Variants in FOXP1 observed in about 807,000 individuals in gnomAD.
The protein encoded by FOXP1 is forkhead box protein P1.
Under a neutral mutation model 98.2 loss-of-function variants are expected in FOXP1, and 15 were observed. The ratio of observed to expected loss-of-function variants is 0.15; its 90% CI spans 0.10 to 0.24. FOXP1 has a LOEUF of 0.24. FOXP1 is among the 10% of genes least tolerant of loss of function. FOXP1 has a pLI of 1.00. For missense variants in FOXP1, 633 were observed against 848.5 expected (o/e 0.75, Z 3.15); for synonymous variants, 371 against 314.5 (o/e 1.18, Z -1.90).
intron 12 of FOXP1, among the ~76,000 whole-genome samples, chr3:71,001,472 T>TA: frequency 6.6e-6 from 1 of 152,184 alleles, no homozygotes; most frequent in East Asian, 1.9e-4. Context: ...TAACTGATGA[T>TA]ACATCCATAT....
At chr3:71,205,895 T>C (rs1250701799) in intron 5 of FOXP1, among the ~76,000 whole-genome samples, 1 of 152,176 alleles carries the variant, frequency 6.6e-6, no homozygotes, top group Admixed American at 6.5e-5. Context: ...TTTTCAATAA[T>C]GTAATACGGC....
In FOXP1 at chr3:71,380,876, T is replaced by C. The variant is rs1462315067; in HGVS notation, c.-167-21632A>G. On this transcript the variant is annotated intron_variant, in intron 3 of 20. Coordinates refer to ENST00000649528, the MANE Select transcript of FOXP1 (RefSeq NM_001349338.3). ...TTCTGTTGTTGAGTCATAGACGCTATCGTAGTAGTGTTAAAATGTATCATC... is the reference window on the plus strand; with the variant it reads ...TTCTGTTGTTGAGTCATAGACGCTACCGTAGTAGTGTTAAAATGTATCATC... Among the ~76,000 whole-genome samples, 5 of 152,258 alleles carry C rather than the reference T, an allele frequency of 3.3e-5. No individual in the cohort carries two copies. In the East Asian group the frequency reaches 9.7e-4, roughly 29 times the overall value.
intron 6 of FOXP1, among the ~76,000 whole-genome samples, chr3:71,182,888 C>CA (rs1491401879): frequency 7.9e-5 from 12 of 151,154 alleles, no homozygotes; most frequent in African/African-American, 2.9e-4. Flanking sequence ...CAGACCCCCC[C>CA]AAAAAAAACC....
intron 2 of FOXP1, among the ~76,000 whole-genome samples, chr3:71,565,125 C>T (rs926164805): frequency 6.6e-6 from 1 of 152,014 alleles, no homozygotes; most frequent in Non-Finnish European, 1.5e-5. Context: ...TGAAAGAAGT[C>T]AAATCATCCA....
chr3:71,342,707 G>A (rs146827862), intron 4 of FOXP1, among the ~76,000 whole-genome samples: 2,295 of 148,482 alleles, frequency 0.015, 61 homozygotes, highest in African/African-American at 0.054. Context: ...AAAGCAAACA[G>A]ACCTTGATCC....
intron 5 of FOXP1, among the ~76,000 whole-genome samples, chr3:71,235,549 T>C (rs1242607646): frequency 6.6e-6 from 1 of 152,136 alleles, no homozygotes; most frequent in Non-Finnish European, 1.5e-5. Context: ...TTAAGTGATG[T>C]ACATTCATAG....
chr3:71,384,242 A>C (rs914778380), intron 3 of FOXP1, among the ~76,000 whole-genome samples: 12 of 151,914 alleles, frequency 7.9e-5, no homozygotes, highest in South Asian at 4.1e-4. Flanking sequence ...ACAAACAAAC[A>C]AACCAACAAA....
chr3:71,337,122 A>T lies in FOXP1; in HGVS notation c.-73+22028T>A, dbSNP rs572106391. On this transcript the variant is annotated intron_variant, in intron 4 of 20. Coordinates refer to ENST00000649528, the MANE Select transcript of FOXP1 (RefSeq NM_001349338.3). ...ATCAAATAATTAACAAATGGAAATG[A>T]TTATGATAAAAGTAAAAACATGAGT... is the stretch of plus-strand genomic sequence containing the variant. 1.1e-4 allele frequency among the ~76,000 whole-genome samples: 16 copies of T among 152,370 alleles called. No individual in the cohort carries two copies. In the South Asian group the frequency reaches 3.1e-3, roughly 30 times the overall value.
chr3:71,428,353 C>T (rs143725533), intron 3 of FOXP1, among the ~76,000 whole-genome samples: 18 of 152,344 alleles, frequency 1.2e-4, no homozygotes, highest in Middle Eastern at 3.4e-3. Context: ...GTTTTAAAAA[C>T]GCCCTTGTTC....
chr3:71,073,921 C>T (rs2107458302), intron 7 of FOXP1, among the ~76,000 whole-genome samples: 1 of 152,206 alleles, frequency 6.6e-6, no homozygotes, highest in East Asian at 1.9e-4. Flanking sequence ...TGAGACAATG[C>T]TAAGATAACA....
chr3:71,415,172 G>A (rs951817905), intron 3 of FOXP1, among the ~76,000 whole-genome samples: 3 of 152,124 alleles, frequency 2.0e-5, no homozygotes, highest in African/African-American at 7.2e-5. Flanking sequence ...CCCAACTCTA[G>A]GAAATTCATT....
chr3:71,583,960 C>T (rs963770894), upstream of FOXP1: 115 of 983,488 alleles, frequency 1.2e-4, no homozygotes, highest in Non-Finnish European at 1.4e-4. Flanking sequence ...CCCTCTTTGC[C>T]GTTCGCCGGG....
rs1463723509 is a variant in FOXP1 at position 70,955,169 on chromosome 3, C to T, written c.*4078G>A. The T allele has an allele frequency of 5.6e-5, 13 of 232,158 alleles. No homozygotes were observed. The highest frequency in any genetic ancestry group is 3.6e-4 in the South Asian group (2 of 5,502). The allele number at this position is 232,158 out of a possible 1,614,324, so 14.4% of individuals were successfully genotyped here. The stretch of plus-strand genomic sequence containing the variant: ...ACACTCTTCTTTGTGCCTTTGGAAA[C>T]GGAGTTCAGCTGGAATATGGAAAAG... On this transcript the variant is annotated 3_prime_UTR_variant, in exon 21 of 21. Coordinates refer to ENST00000649528, the MANE Select transcript of FOXP1 (RefSeq NM_001349338.3).
chr3:71,136,638 A>C (rs1415419879), intron 6 of FOXP1, among the ~76,000 whole-genome samples: 1 of 152,222 alleles, frequency 6.6e-6, no homozygotes, highest in Non-Finnish European at 1.5e-5. Flanking sequence ...TCAGTAGACT[A>C]ATGCTTATTT....
At chr3:71,147,537 C>T (rs1409084067) in intron 6 of FOXP1, among the ~76,000 whole-genome samples, 1 of 152,140 alleles carries the variant, frequency 6.6e-6, no homozygotes, top group African/African-American at 2.4e-5. Context: ...ACCATTAATG[C>T]CCCCCATCAT....
At chr3:71,358,080 C>T (rs2078289784) in intron 4 of FOXP1, among the ~76,000 whole-genome samples, 1 of 152,164 alleles carries the variant, frequency 6.6e-6, no homozygotes, top group Admixed American at 6.5e-5. Flanking sequence ...TTTGCTGAGC[C>T]TGTCTCTCTG....
chr3:70,958,368 G>T lies in FOXP1; in HGVS notation c.*879C>A, dbSNP rs563597456. On this transcript the variant is annotated 3_prime_UTR_variant, in exon 21 of 21. Transcript: ENST00000649528. ...GCAGGACGTCACGTCTGTGTGAGAG[G>T]GCCTTCATGTGTAGAGTGCAGCATT... 10 of 531,272 alleles carry T rather than the reference G, an allele frequency of 1.9e-5. No homozygotes were observed. The highest frequency in any genetic ancestry group is 3.6e-5 in the Non-Finnish European group (10 of 274,790). The allele number at this position is 531,272 out of a possible 1,614,324, so 32.9% of individuals were successfully genotyped here.
intron 13 of FOXP1, among the ~76,000 whole-genome samples, chr3:70,989,891 A>G (rs1295283448): frequency 1.3e-5 from 2 of 152,220 alleles, no homozygotes; most frequent in Non-Finnish European, 2.9e-5. Flanking sequence ...ATTTAAAGGA[A>G]ACATCTTCTC....
chr3:71,404,781 G>A (rs1355889719), intron 3 of FOXP1, among the ~76,000 whole-genome samples: 1 of 152,050 alleles, frequency 6.6e-6, no homozygotes, highest in East Asian at 1.9e-4. Context: ...ACCCCACACA[G>A]AGAAGCCCCA....
Sources: allele counts gnomAD v4.1 joint callset (sites outside exome capture counted in the v4.1 genomes callset), GRCh38; gene constraint gnomAD v4.1.1; transcripts MANE v1.5; gene names NCBI Gene and HGNC (gene_info 2026-07-23, HGNC 2026-07-21).